Variants in NEK9 observed in about 807,000 individuals in gnomAD.
The protein encoded by NEK9 is NIMA related kinase 9, also known as serine/threonine-protein kinase Nek9.
NEK9 carries 75 observed loss-of-function variants against 123.4 expected under a neutral mutation model. That is an observed-to-expected ratio of 0.61 (90% CI 0.50 to 0.74). The LOEUF (loss-of-function observed/expected upper bound fraction) is 0.74. Ranked by LOEUF, NEK9 falls within the 30% of genes least tolerant of loss-of-function variation. NEK9 has a pLI of 0.00. For missense variants in NEK9, 952 were observed against 1,214.4 expected, an observed-to-expected ratio of 0.78 and a Z score of 3.21; for synonymous variants, 438 against 458.7, an observed-to-expected ratio of 0.95 and a Z score of 0.58.
chr14:75,118,240 AT>A (rs1895204473), intron 5 of NEK9, among the ~76,000 whole-genome samples: 1 of 152,214 alleles, frequency 6.6e-6, no homozygotes, highest in Non-Finnish European at 1.5e-5. Flanking sequence ...TCAGTTTTCA[AT>A]TTCTTTTAAG....
chr14:75,114,155 C>T, intron 7 of NEK9, 48 bp downstream of exon 7: 1 of 1,332,978 alleles, frequency 7.5e-7, no homozygotes, highest in Non-Finnish European at 1.1e-6. Flanking sequence ...AACACTGAGG[C>T]TGGAAGGGGA....
intron 11 of NEK9, among the ~76,000 whole-genome samples, 176 bp downstream of exon 11, chr14:75,107,167 C>T (rs943535684): frequency 1.7e-4 from 26 of 152,034 alleles, no homozygotes; most frequent in African/African-American, 6.3e-4. Context: ...CCTTGCTCAC[C>T]ACCCCCTAAT....
In NEK9 at chr14:75,101,060, C is replaced by A; in HGVS notation, c.1934G>T (p.Gly645Val). The A allele has an allele frequency of 6.2e-7, 1 of 1,614,184 alleles. No individual in the cohort carries two copies. Among genetic ancestry groups the A allele is most frequent in the Non-Finnish European group, 8.5e-7 (1 of 1,180,018 alleles). The stretch of plus-strand genomic sequence containing the variant: ...GATCACTTGCTTCCCACCAAGGGGT[C>A]CCCCCAACAGGTTGATTCCCAGACG... ...KKRLGINLLG[G>V]PLGGKQVIRV... The change falls in exon 16 of 22, where the codon GGA becomes GTA. Residue 645 changes from glycine to valine, a missense_variant. By Grantham distance (109) the Gly-to-Val change is moderately radical. Coordinates refer to ENST00000238616, the MANE Select transcript of NEK9 (RefSeq NM_033116.6).
At chr14:75,110,450 C>T in intron 8 of NEK9, 79 bp from the exon 9 acceptor site, 1 of 1,110,012 alleles carries the variant, frequency 9.0e-7, no homozygotes, top group African/African-American at 1.5e-5. Context: ...ATACATTTCA[C>T]AGATTTAATC....
At chr14:75,085,820 G>C (rs1894002996) in intron 21 of NEK9, among the ~76,000 whole-genome samples, 1 of 152,174 alleles carries the variant, frequency 6.6e-6, no homozygotes, top group Non-Finnish European at 1.5e-5. Flanking sequence ...AGCTTAGGAA[G>C]TCAAGGCTGC....
At chr14:75,122,340 G>A (rs774931820) in intron 2 of NEK9, among the ~76,000 whole-genome samples, 7 of 152,174 alleles carry the variant, frequency 4.6e-5, no homozygotes, top group Non-Finnish European at 8.8e-5. Context: ...CAAGGAAGTC[G>A]TAAGTGACGA....
At chr14:75,100,953 A>G (rs1894555377) in intron 16 of NEK9, 39 bp downstream of exon 16, 5 of 1,586,614 alleles carry the variant, frequency 3.2e-6, no homozygotes, top group Non-Finnish European at 4.3e-6. Flanking sequence ...AAACACAGCC[A>G]TGTGTCCAGA....
intron 3 of NEK9, 137 bp from the exon 4 acceptor site, chr14:75,120,717 C>A: frequency 1.5e-6 from 1 of 680,478 alleles, no homozygotes; most frequent in Non-Finnish European, 2.5e-6. Flanking sequence ...CTCTTCCTTG[C>A]AGGTTGAGTA....
intron 1 of NEK9, 127 bp downstream of exon 1, chr14:75,126,576 C>T: frequency 1.6e-6 from 1 of 623,852 alleles, no homozygotes; most frequent in Non-Finnish European, 2.5e-6. Context: ...GGTGAAGACC[C>T]TAAGACATAT....
At chr14:75,095,501 A>C in intron 17 of NEK9, 70 bp from the exon 18 acceptor site, 1 of 984,796 alleles carries the variant, frequency 1.0e-6, no homozygotes. Context: ...GAAGACTAGG[A>C]TAGGGAGATA....
chr14:75,126,526 A>G (rs1428703710), intron 1 of NEK9, among the ~76,000 whole-genome samples, 177 bp downstream of exon 1: 2 of 152,256 alleles, frequency 1.3e-5, no homozygotes, highest in Non-Finnish European at 2.9e-5. Flanking sequence ...AGTCAAACCA[A>G]TGATCTAGCC....
In NEK9 at chr14:75,126,753, C is replaced by T; in HGVS notation, c.169G>A (p.Val57Ile). Residue 57 changes from valine to isoleucine, a missense_variant, in exon 1 of 22, where the codon GTC becomes ATC. By Grantham distance (29) the Val-to-Ile change is conservative. Around this residue, in one of 4 missense-constraint regions of NEK9, gnomAD observed 120 missense variants for 97.6 expected, o/e 1.23. Coordinates refer to ENST00000238616, the MANE Select transcript of NEK9 (RefSeq NM_033116.6). Reference sequence around the variant, plus strand: ...TCCCCGAAGGCGCCGCGGCCCAGGACGCGGATGGGGATGTAGTGCAGTTCC... The same window carrying T: ...TCCCCGAAGGCGCCGCGGCCCAGGATGCGGATGGGGATGTAGTGCAGTTCC... ...QEELHYIPIR[V>I]LGRGAFGEAT... The T allele has an allele frequency of 6.6e-7, 1 of 1,505,260 alleles. No individual in the cohort carries two copies. Among genetic ancestry groups the T allele is most frequent in the East Asian group, 2.9e-5 (1 of 34,638 alleles). 93.2% of individuals were successfully genotyped at this position (1,505,260 alleles called of 1,614,324 possible).
In NEK9 at chr14:75,106,603, A is replaced by T. The variant is rs1210058474; in HGVS notation, c.1427T>A (p.Phe476Tyr). The T allele has an allele frequency of 1.2e-6, 2 of 1,614,100 alleles. No individual in the cohort carries two copies. Among genetic ancestry groups the T allele is most frequent in the East Asian group, 4.5e-5 (2 of 44,876 alleles). Reference protein sequence around the residue: ...PEVLEPMQLNFFLSNPVEQVS... With the variant: ...PEVLEPMQLNYFLSNPVEQVS... ...CTGCTCCACTGGATTGCTGAGGAAGAAGTTCAGCTGCATGGGTTCTAGCAC... is the reference window on the plus strand; with the variant it reads ...CTGCTCCACTGGATTGCTGAGGAAGTAGTTCAGCTGCATGGGTTCTAGCAC... Residue 476 changes from phenylalanine to tyrosine, a missense_variant, in exon 12 of 22, where the codon TTC becomes TAC. Physicochemically the swap from Phe to Tyr is conservative, Grantham distance 22 (BLOSUM62 3). Around this residue, in one of 4 missense-constraint regions of NEK9, gnomAD observed 698 missense variants for 875.6 expected, o/e 0.80. Transcript: ENST00000238616.
chr14:75,121,610 A>G (rs1895337110), intron 2 of NEK9, among the ~76,000 whole-genome samples: 1 of 152,178 alleles, frequency 6.6e-6, no homozygotes, highest in Non-Finnish European at 1.5e-5. Context: ...GCACTTTGGG[A>G]GGCTGAGGTG....
chr14:75,100,925 T>C (rs1894553770), intron 16 of NEK9, 67 bp downstream of exon 16: 2 of 1,513,316 alleles, frequency 1.3e-6, no homozygotes, highest in South Asian at 1.2e-5. Flanking sequence ...AGTCCATTTC[T>C]TTCCCAGCCA....
In NEK9 at chr14:75,104,729, C is replaced by T. The variant is rs893511399; in HGVS notation, c.1576-732G>A. Among the ~76,000 whole-genome samples, 12 of 152,084 alleles carry T rather than the reference C, an allele frequency of 7.9e-5. No individual in the cohort carries two copies. The South Asian group carries it at 1.0e-3, about 13-fold the overall frequency. On this transcript the variant is annotated intron_variant, in intron 13 of 21. Coordinates refer to ENST00000238616, the MANE Select transcript of NEK9 (RefSeq NM_033116.6). ...AACTCCTGACCTCAAGTGATTTGCC[C>T]GCCTCGGCCTCCCAAAGTGCTGGGA...
At chr14:75,090,024 G>T (rs1327588908) in intron 19 of NEK9, among the ~76,000 whole-genome samples, 1 of 151,916 alleles carries the variant, frequency 6.6e-6, no homozygotes, top group Non-Finnish European at 1.5e-5. Flanking sequence ...TAGAGATGGG[G>T]TTTCACCATG....
intron 18 of NEK9, among the ~76,000 whole-genome samples, chr14:75,093,095 G>A (rs1894271694): frequency 6.6e-6 from 1 of 152,128 alleles, no homozygotes; most frequent in Admixed American, 6.5e-5. Flanking sequence ...ACTAGAACTA[G>A]AATTGCACTA....
At chr14:75,090,566 CTT>C (rs879420279) in intron 19 of NEK9, among the ~76,000 whole-genome samples, 13 of 144,254 alleles carry the variant, frequency 9.0e-5, no homozygotes, top group South Asian at 2.2e-4. Flanking sequence ...AACATTCTTA[CTT>C]TTTTTTTTTT....
Sources: allele counts gnomAD v4.1 joint callset (sites outside exome capture counted in the v4.1 genomes callset), GRCh38; gene constraint gnomAD v4.1.1; regional missense constraint gnomAD v4.1.1; transcripts MANE v1.5; gene names NCBI Gene and HGNC (gene_info 2026-07-23, HGNC 2026-07-21).